Variants in DNAH14 observed in about 807,000 individuals in gnomAD.
DNAH14 encodes dynein axonemal heavy chain 14.
DNAH14 carries 478 observed loss-of-function variants against 520.9 expected under a neutral mutation model. That is an observed-to-expected ratio of 0.92 (90% CI 0.85 to 0.99). The LOEUF (loss-of-function observed/expected upper bound fraction) is 0.99, where lower values mean the gene tolerates loss of function less well. Ranked by LOEUF, DNAH14 falls within the 50% of genes least tolerant of loss-of-function variation. The probability of loss-of-function intolerance (pLI) is 0.00; values close to 1 mark genes in which losing one functional copy is unlikely to be tolerated. For synonymous variants in DNAH14, 1,581 were observed against 1,757.2 expected (o/e 0.90, Z 2.51); for missense variants, 4,831 against 5,234.5 (o/e 0.92, Z 2.38).
At chr1:225,175,014 T>G (rs1420702648) in intron 36 of DNAH14, among the ~76,000 whole-genome samples, 2 of 152,242 alleles carry the variant, frequency 1.3e-5, no homozygotes, top group African/African-American at 4.8e-5. Flanking sequence ...CTTTCATTGC[T>G]GGGATGAATC....
intron 36 of DNAH14, among the ~76,000 whole-genome samples, chr1:225,179,380 G>A (rs889822133): frequency 3.3e-5 from 5 of 151,862 alleles, no homozygotes; most frequent in Admixed American, 6.6e-5. Context: ...TATTTATAGT[G>A]TATCTATAAT....
At chr1:225,001,045 G>A (rs530208621) in intron 8 of DNAH14, among the ~76,000 whole-genome samples, 3 of 151,270 alleles carry the variant, frequency 2.0e-5, no homozygotes, top group African/African-American at 4.9e-5. Flanking sequence ...AATAGTTATC[G>A]AATAAAAGTT....
chr1:225,285,833 G>T (rs985999919), intron 54 of DNAH14, among the ~76,000 whole-genome samples: 15 of 152,296 alleles, frequency 9.8e-5, no homozygotes, highest in African/African-American at 3.6e-4. Flanking sequence ...CTCCAGCCTG[G>T]GTGACAAAGT....
intron 1 of DNAH14, among the ~76,000 whole-genome samples, chr1:224,939,494 C>A (rs2059264705): frequency 6.6e-6 from 1 of 151,986 alleles, no homozygotes; most frequent in African/African-American, 2.4e-5. Context: ...CATGGTGAAA[C>A]CCTGTTTCTA....
intron 17 of DNAH14, among the ~76,000 whole-genome samples, chr1:225,061,696 C>T (rs1469132137): frequency 1.3e-5 from 2 of 152,040 alleles, no homozygotes; most frequent in Non-Finnish European, 2.9e-5. Flanking sequence ...GTTATGTTGC[C>T]CAGGCTGATC....
chr1:225,368,071 C>T (rs1253911629), intron 77 of DNAH14, 39 bp downstream of exon 77: 1 of 1,462,046 alleles, frequency 6.8e-7, no homozygotes, highest in Non-Finnish European at 9.2e-7. Context: ...AAATAAGTAA[C>T]AATAAGATAC....
Position 225,265,239 on chromosome 1 carries a change from A to T in DNAH14, c.7280A>T (p.Asp2427Val), listed in dbSNP as rs769141352. Residue 2427 changes from aspartate to valine, a missense_variant, in exon 48 of 86, where the codon GAT (aspartate) becomes GTT (valine). Physicochemically the swap from Asp to Val is radical, Grantham distance 152. Coordinates refer to ENST00000682510, the MANE Select transcript of DNAH14 (RefSeq NM_001367479.1). ...RTNKKLLKNNDHKGVVVSTIN... is the reference protein window; with the variant it reads ...RTNKKLLKNNVHKGVVVSTIN... ...AATAAAAAGTTACTTAAAAATAATG[A>T]TCATAAAGGAGTTGTAGTCTCTACA... The T allele has an allele frequency of 3.3e-6, 5 of 1,524,068 alleles. No individual in the cohort carries two copies. The highest frequency in any genetic ancestry group is 2.5e-5 in the East Asian group (1 of 39,996). The allele number at this position is 1,524,068 out of a possible 1,614,324, so 94.4% of individuals were successfully genotyped here. A position where few individuals can be genotyped will look rare whatever the true frequency, so the allele number is the denominator to read the frequency against.
At chr1:224,968,898 ATTCT>A in intron 7 of DNAH14, 24 bp downstream of exon 7, 2 of 1,484,578 alleles carry the variant, frequency 1.3e-6, no homozygotes, top group Non-Finnish European at 1.8e-6. Flanking sequence ...AATGAAACCA[ATTCT>A]TTGTAGTTTG....
At chr1:225,258,243 T>A in intron 45 of DNAH14, 125 bp downstream of exon 45, 1 of 921,054 alleles carries the variant, frequency 1.1e-6, no homozygotes, top group Non-Finnish European at 1.5e-6. Context: ...GTTACTATAT[T>A]AATTTATTTT....
intron 55 of DNAH14, among the ~76,000 whole-genome samples, chr1:225,294,644 A>C (rs918889520): frequency 1.3e-5 from 2 of 152,106 alleles, no homozygotes; most frequent in African/African-American, 4.8e-5. Context: ...AACATGGTGA[A>C]ACCCAATATC....
intron 69 of DNAH14, among the ~76,000 whole-genome samples, chr1:225,343,750 G>C (rs1043995306): frequency 6.6e-6 from 1 of 151,498 alleles, no homozygotes; most frequent in Non-Finnish European, 1.5e-5. Context: ...TGTGTTTCTA[G>C]TAATAAGGCT....
chr1:225,140,932 A>G lies in DNAH14; in HGVS notation c.4419A>G (p.Ala1473=). Residue 1473 remains alanine (A), a synonymous_variant, in exon 28 of 86, where the codon GCA becomes GCG. Transcript: ENST00000682510. ...CTCGAACAAAAGCTATACTAGGGGC[A>G]TTGCTTATCCTTTATGTTCACTGCA... The part of the protein sequence containing the change: ...SNSRTKAILG[A]LLILYVHCRD... 3.2e-6 allele frequency: 5 copies of G among 1,551,464 alleles called. No homozygotes were observed. The highest frequency in any genetic ancestry group is 3.5e-6 in the Non-Finnish European group (4 of 1,146,912).
chr1:225,374,776 A>AG lies in DNAH14; in HGVS notation c.12407_12408insG (p.Tyr4136Ter). 6.4e-7 allele frequency: 1 copy of AG among 1,551,634 alleles called. No individual in the cohort carries two copies. Among genetic ancestry groups the AG allele is most frequent in the Middle Eastern group, 1.7e-4 (1 of 5,992 alleles). Residue 4136 changes from tyrosine to a stop codon, truncating the protein, a stop_gained and frameshift_variant, in exon 78 of 86, where the codon TAC (tyrosine) becomes TAGC (stop). Transcript: ENST00000682510. LOFTEE classifies it high-confidence loss of function. ...CGCTACCTGATTGGAGAAGTGATTT[A>AG]CGGTGGCCGGGTGATTGATAATTGG... The part of the protein sequence containing the change: ...ALRYLIGEVI[Y>*]GGRVIDNWDK...
chr1:225,228,229 G>T (rs2149548880), intron 41 of DNAH14, among the ~76,000 whole-genome samples: 1 of 152,308 alleles, frequency 6.6e-6, no homozygotes, highest in South Asian at 2.1e-4. Context: ...TACCTTTATA[G>T]ATAACTTGGC....
intron 59 of DNAH14, 89 bp from the exon 60 acceptor site, chr1:225,308,195 CA>C: frequency 3.8e-6 from 5 of 1,318,934 alleles, no homozygotes; most frequent in Non-Finnish European, 5.1e-6. Flanking sequence ...TAAACTTTAC[CA>C]TAGTGAAATG....
chr1:225,394,859 A>G (rs1236777462), intron 84 of DNAH14, among the ~76,000 whole-genome samples: 1 of 149,292 alleles, frequency 6.7e-6, no homozygotes, highest in Non-Finnish European at 1.5e-5. Context: ...AAAAAAAAAA[A>G]GGAGAATTGA....
chr1:224,981,720 A>G (rs1294819237), intron 8 of DNAH14, among the ~76,000 whole-genome samples: 1 of 152,042 alleles, frequency 6.6e-6, no homozygotes, highest in Non-Finnish European at 1.5e-5. Flanking sequence ...AATCTTATTT[A>G]TCTTTTCAAA....
At position 224,964,737 on chromosome 1, in the gene DNAH14, A is replaced by G. The variant is rs984715891; in HGVS notation, c.498+128A>G. ...ATTAATATCAAGTTACAATTATTTC[A>G]TGGTAAATGCAAAAGTATTTGACAT... On this transcript the variant is annotated intron_variant, in intron 5 of 85. Transcript: ENST00000682510. 12 of 844,738 alleles carry G rather than the reference A, an allele frequency of 1.4e-5. No individual in the cohort carries two copies. In the African/African-American group the frequency reaches 1.7e-4, roughly 12 times the overall value. 52.3% of individuals were successfully genotyped at this position (844,738 alleles called of 1,614,324 possible).
In DNAH14 at chr1:225,007,643, G is replaced by C. The variant is rs1352058190; in HGVS notation, c.1107+99G>C. The C allele has an allele frequency of 8.5e-6, 9 of 1,059,482 alleles. No individual in the cohort carries two copies. The East Asian group carries it at 3.2e-4, about 38-fold the overall frequency. The allele number at this position is 1,059,482 out of a possible 1,614,324, so 65.6% of individuals were successfully genotyped here. On this transcript the variant is annotated intron_variant, in intron 10 of 85. Transcript: ENST00000682510. ...CTGGAAAAAGTATCTGAAATGGAAA[G>C]GTAAGGAACAAAGGTGGTTAATTAA...
Sources: gnomAD v4.1 joint callset for allele counts (sites outside exome capture counted in the v4.1 genomes callset) on GRCh38, gnomAD v4.1.1 for gene constraint, MANE v1.5 for transcripts, NCBI Gene and HGNC (gene_info 2026-07-23, HGNC 2026-07-21) for gene names.